Variants in PTPRD observed in about 807,000 individuals in gnomAD.
PTPRD encodes protein tyrosine phosphatase receptor type D, also known as receptor-type tyrosine-protein phosphatase delta.
Under a neutral mutation model 214.5 loss-of-function variants are expected in PTPRD, and 34 were observed. The ratio of observed to expected loss-of-function variants is 0.16; its 90% CI spans 0.12 to 0.21. The LOEUF (loss-of-function observed/expected upper bound fraction) is 0.21, where lower values mean the gene tolerates loss of function less well. Among genes scored for constraint, PTPRD ranks in the 10% least tolerant of loss-of-function variants. The pLI, the probability that PTPRD is intolerant of heterozygous loss-of-function variation, is 1.00. For missense variants in PTPRD, 2,545 were observed against 2,398.7 expected (o/e 1.06, Z -1.27); for synonymous variants, 1,128 against 845.7 (o/e 1.33, Z -5.79).
At chr9:10,190,149 C>T (rs2099356213) in intron 3 of PTPRD, among the ~76,000 whole-genome samples, 1 of 151,478 alleles carries the variant, frequency 6.6e-6, no homozygotes, top group Admixed American at 6.6e-5. Flanking sequence ...GGTGGATCAC[C>T]TGAGGTCAGG....
At chr9:9,032,396 A>C (rs1178407088) in intron 10 of PTPRD, among the ~76,000 whole-genome samples, 1 of 152,090 alleles carries the variant, frequency 6.6e-6, no homozygotes, top group Non-Finnish European at 1.5e-5. Flanking sequence ...ACTTCCAACA[A>C]TAAATATAAA....
chr9:9,977,014 C>A (rs1377223298), intron 4 of PTPRD, among the ~76,000 whole-genome samples: 1 of 152,032 alleles, frequency 6.6e-6, no homozygotes, highest in Non-Finnish European at 1.5e-5. Flanking sequence ...TATATTTTAA[C>A]CACATGAAAA....
At chr9:10,159,813 G>C (rs1466919250) in intron 3 of PTPRD, among the ~76,000 whole-genome samples, 1 of 149,076 alleles carries the variant, frequency 6.7e-6, no homozygotes, top group East Asian at 1.9e-4. Context: ...CACAGCTAGA[G>C]GGAAAAAAAA....
intron 3 of PTPRD, among the ~76,000 whole-genome samples, chr9:10,314,195 C>T (rs1327440789): frequency 1.3e-5 from 2 of 151,732 alleles, no homozygotes; most frequent in Non-Finnish European, 2.9e-5. Context: ...ATACAAAATG[C>T]ATTTGTATGG....
intron 3 of PTPRD, among the ~76,000 whole-genome samples, chr9:10,047,337 T>TGC (rs753350611): frequency 2.1e-5 from 3 of 144,278 alleles, no homozygotes; most frequent in East Asian, 2.0e-4. Context: ...TGTGTGTGTG[T>TGC]GCGTGTGTGT....
chr9:9,662,940 A>C (rs10816160), intron 7 of PTPRD, among the ~76,000 whole-genome samples: 62,901 of 151,260 alleles, frequency 0.42, 13,337 homozygotes, highest in Admixed American at 0.53. Flanking sequence ...TGAATCTGAT[A>C]CAGTTTAATG....
At chr9:9,333,993 C>T (rs1173880533) in intron 9 of PTPRD, among the ~76,000 whole-genome samples, 4 of 151,842 alleles carry the variant, frequency 2.6e-5, no homozygotes, top group African/African-American at 9.7e-5. Flanking sequence ...GGGGGAGGAA[C>T]TATGACTAAG....
intron 14 of PTPRD, among the ~76,000 whole-genome samples, chr9:8,628,265 G>A (rs576338983): frequency 2.0e-5 from 3 of 151,806 alleles, no homozygotes; most frequent in African/African-American, 7.2e-5. Context: ...TGCTAATTCT[G>A]ATCACAGGGT....
chr9:9,232,169 G>A (rs1483819747), intron 9 of PTPRD, among the ~76,000 whole-genome samples: 1 of 152,108 alleles, frequency 6.6e-6, no homozygotes, highest in Non-Finnish European at 1.5e-5. Flanking sequence ...AAATTCTTTA[G>A]CACTTGTAGT....
rs114271837 is a variant in PTPRD, at chr9:9,309,950, T to C, written c.-203+87499A>G. On this transcript the variant is annotated intron_variant, in intron 9 of 45. Coordinates refer to ENST00000381196, the MANE Select transcript of PTPRD (RefSeq NM_002839.4). ...TTTCCTCCTTATAATGGTGTGAAGA[T>C]TTTTTTTTCCCTTACATAGGATTAA... 4.1e-3 allele frequency among the ~76,000 whole-genome samples: 620 copies of C among 150,074 alleles called. 8 individuals carry two copies. Among genetic ancestry groups the C allele is most frequent in the African/African-American group, 0.015 (607 of 39,726 alleles).
intron 11 of PTPRD, among the ~76,000 whole-genome samples, chr9:8,818,345 TA>T (rs1384331364): frequency 6.6e-6 from 1 of 152,146 alleles, no homozygotes; most frequent in Non-Finnish European, 1.5e-5. Context: ...GGCAGAGAGA[TA>T]AAAGAAGAAA....
At chr9:9,907,395 G>C (rs1006626399) in intron 5 of PTPRD, among the ~76,000 whole-genome samples, 3 of 151,892 alleles carry the variant, frequency 2.0e-5, no homozygotes, top group African/African-American at 7.2e-5. Context: ...GTTTTAAGAG[G>C]ACAGAAATTC....
At chr9:10,349,110 C>G (rs1293714493) in intron 2 of PTPRD, among the ~76,000 whole-genome samples, 3 of 151,976 alleles carry the variant, frequency 2.0e-5, no homozygotes, top group Non-Finnish European at 4.4e-5. Flanking sequence ...TTCAGACTCA[C>G]TGAGCAGGAC....
chr9:9,381,501 T>C (rs981618955), intron 9 of PTPRD, among the ~76,000 whole-genome samples: 12 of 151,440 alleles, frequency 7.9e-5, no homozygotes, highest in African/African-American at 2.9e-4. Context: ...GCTAGGACTA[T>C]ATGCATGCAC....
chr9:9,587,662 C>A (rs1003186542), intron 7 of PTPRD, among the ~76,000 whole-genome samples: 1 of 151,950 alleles, frequency 6.6e-6, no homozygotes, highest in Non-Finnish European at 1.5e-5. Context: ...CCAAAATTAG[C>A]ATTTCTAAAC....
chr9:8,761,400 T>A (rs967378130), intron 11 of PTPRD, among the ~76,000 whole-genome samples: 2 of 152,238 alleles, frequency 1.3e-5, no homozygotes, highest in Admixed American at 6.5e-5. Context: ...TTCACAATTA[T>A]AACATTTCTT....
intron 11 of PTPRD, among the ~76,000 whole-genome samples, chr9:8,914,873 C>T (rs1192273892): frequency 6.6e-6 from 1 of 152,084 alleles, no homozygotes; most frequent in Non-Finnish European, 1.5e-5. Flanking sequence ...AGATCCTCTG[C>T]AGACAACACA....
In PTPRD at chr9:8,720,855, G is replaced by C. The variant is rs146478717; in HGVS notation, c.64+12925C>G. 1.2e-4 allele frequency among the ~76,000 whole-genome samples: 19 copies of C among 152,106 alleles called. 1 individual carries two copies. In the East Asian group the frequency reaches 3.7e-3, roughly 30 times the overall value. On this transcript the variant is annotated intron_variant, in intron 12 of 45. Coordinates refer to ENST00000381196, the MANE Select transcript of PTPRD (RefSeq NM_002839.4). ...AACTACAATGAACCTGGATAACTCT[G>C]GACCTGATGCCCACTGGCATCTCTT...
intron 7 of PTPRD, among the ~76,000 whole-genome samples, chr9:9,631,848 T>A (rs2095605078): frequency 6.6e-6 from 1 of 152,180 alleles, no homozygotes; most frequent in Non-Finnish European, 1.5e-5. Flanking sequence ...GCCGGGCAGT[T>A]ATTTTAATTA....
Sources: gnomAD v4.1 joint callset for allele counts (sites outside exome capture counted in the v4.1 genomes callset) on GRCh38, gnomAD v4.1.1 for gene constraint, MANE v1.5 for transcripts, NCBI Gene and HGNC (gene_info 2026-07-23, HGNC 2026-07-21) for gene names.